Variants in PHAX observed in about 807,000 individuals in gnomAD.
PHAX encodes phosphorylated adapter RNA export protein.
PHAX carries 31 observed loss-of-function variants against 41.6 expected under a neutral mutation model. The observed-to-expected ratio is 0.75, with a 90% confidence interval of 0.56 to 1.01. The LOEUF (loss-of-function observed/expected upper bound fraction) is 1.01, where lower values mean the gene tolerates loss of function less well. PHAX is among the 50% of genes least tolerant of loss of function. The probability of loss-of-function intolerance (pLI) is 0.00; values close to 1 mark genes in which losing one functional copy is unlikely to be tolerated. For missense variants in PHAX, 453 were observed against 472.9 expected (o/e 0.96, Z 0.39); for synonymous variants, 175 against 164.9 (o/e 1.06, Z -0.47).
At chr5:126,624,008 GTT>G (rs543154844) in intron 4 of PHAX, among the ~76,000 whole-genome samples, 9 of 130,178 alleles carry the variant, frequency 6.9e-5, no homozygotes, top group Admixed American at 2.4e-4. Context: ...TTGGTTTTGG[GTT>G]TTTTTTTTTT....
At chr5:126,604,274 C>CTTGTTTTTT (rs1751955373) in intron 2 of PHAX, 91 bp downstream of exon 2, 1 of 564,068 alleles carries the variant, frequency 1.8e-6, no homozygotes. Context: ...TGATATGTTC[C>CTTGTTTTTT]TTTTTTTTTT....
At chr5:126,601,554 CTG>C (rs1751903811) in intron 1 of PHAX, among the ~76,000 whole-genome samples, 1 of 152,204 alleles carries the variant, frequency 6.6e-6, no homozygotes, top group African/African-American at 2.4e-5. Flanking sequence ...CGAAGGGAGA[CTG>C]AGGCCCAGGA....
At chr5:126,623,598 ACTTTTCTTATTTCT>A (rs1166936661) in intron 4 of PHAX, among the ~76,000 whole-genome samples, 1 of 151,954 alleles carries the variant, frequency 6.6e-6, no homozygotes, top group African/African-American at 2.4e-5. Flanking sequence ...TTTAGCAAAT[ACTTTTCTTATTTCT>A]CTTCATCAAA....
intron 2 of PHAX, 38 bp from the exon 3 acceptor site, chr5:126,608,326 A>G: frequency 6.3e-7 from 1 of 1,593,872 alleles, no homozygotes; most frequent in Non-Finnish European, 8.6e-7. Context: ...AACTTTGTAC[A>G]ACAAACAAAG....
chr5:126,616,968 C>T (rs745856208), intron 3 of PHAX, among the ~76,000 whole-genome samples: 4 of 151,516 alleles, frequency 2.6e-5, no homozygotes, highest in Non-Finnish European at 5.9e-5. Flanking sequence ...GTCATTTGAG[C>T]TGAGTGGCCT....
chr5:126,604,193 T>G lies in PHAX; in HGVS notation c.710+10T>G. 6.6e-7 allele frequency: 1 copy of G among 1,518,572 alleles called. No individual in the cohort carries two copies. 94.1% of individuals were successfully genotyped at this position (1,518,572 alleles called of 1,614,324 possible). A position where few individuals can be genotyped will look rare whatever the true frequency, so the allele number is the denominator to read the frequency against. On this transcript the variant is annotated intron_variant, in intron 2 of 4. Transcript: ENST00000297540. ...ATGAAATTTCATTCAGGTGAGCATTTGAATTACAAATAAGTACTTGACCAG... is the reference window on the plus strand; with the variant it reads ...ATGAAATTTCATTCAGGTGAGCATTGGAATTACAAATAAGTACTTGACCAG...
chr5:126,613,146 C>T (rs552971048), intron 3 of PHAX, among the ~76,000 whole-genome samples: 63 of 152,140 alleles, frequency 4.1e-4, no homozygotes, highest in African/African-American at 1.3e-3. Context: ...GTCAGGCGTT[C>T]GAGACCAGCC....
In PHAX at chr5:126,624,694, A is replaced by T. The variant is rs771276140; in HGVS notation, c.1035A>T (p.Glu345Asp). ...KQAIKSLNFQEDDDTSRETFA... is the reference protein window; with the variant it reads ...KQAIKSLNFQDDDDTSRETFA... The stretch of plus-strand genomic sequence containing the variant: ...CTATTAAAAGTCTAAATTTTCAAGA[A>T]GATGATGATACATCACGAGAAACTT... Residue 345 changes from glutamate (E) to aspartate (D), a missense_variant, in exon 5 of 5, where the codon GAA (glutamate) becomes GAT (aspartate). Physicochemically the swap from Glu to Asp is conservative, Grantham distance 45. Coordinates refer to ENST00000297540, the MANE Select transcript of PHAX (RefSeq NM_032177.4). 1.3e-5 allele frequency: 21 copies of T among 1,614,094 alleles called. No homozygotes were observed. The highest frequency in any genetic ancestry group is 1.7e-5 in the Non-Finnish European group (20 of 1,180,036).
At chr5:126,610,262 C>A (rs1255054134) in intron 3 of PHAX, among the ~76,000 whole-genome samples, 1 of 152,146 alleles carries the variant, frequency 6.6e-6, no homozygotes, top group African/African-American at 2.4e-5. Context: ...CGAGCACTGG[C>A]GGTTATAGAA....
At position 126,615,565 on chromosome 5, in the gene PHAX, C is replaced by T. The variant is rs1400438211; in HGVS notation, c.832-1685C>T. ...GATTTTGCTGTTTAAAATGGCCCCT[C>T]CAAGGGTAGTGCTGTAGTGCCAACT... On this transcript the variant is annotated intron_variant, in intron 3 of 4. Transcript: ENST00000297540. 1.3e-5 allele frequency among the ~76,000 whole-genome samples: 2 copies of T among 148,184 alleles called. 1 individual carries two copies. The highest frequency in any genetic ancestry group is 5.0e-5 in the African/African-American group (2 of 39,784).
Position 126,616,604 on chromosome 5 carries a change from G to A in PHAX, c.832-646G>A, listed in dbSNP as rs190581130. Among the ~76,000 whole-genome samples, 264 of 152,164 alleles carry A rather than the reference G, an allele frequency of 1.7e-3. 1 individual carries two copies. Among genetic ancestry groups the A allele is most frequent in the African/African-American group, 5.9e-3 (245 of 41,494 alleles). On this transcript the variant is annotated intron_variant, in intron 3 of 4. Coordinates refer to ENST00000297540, the MANE Select transcript of PHAX (RefSeq NM_032177.4). The stretch of plus-strand genomic sequence containing the variant: ...ACATCTAATAGAATATTCATGGTGG[G>A]TGCGGTGGCTCACACCTGTAATCCT...
At chr5:126,605,832 G>C (rs977621779) in intron 2 of PHAX, among the ~76,000 whole-genome samples, 1 of 152,162 alleles carries the variant, frequency 6.6e-6, no homozygotes, top group East Asian at 1.9e-4. Flanking sequence ...GTTTTTGTTT[G>C]TTTAGTGTTT....
intron 4 of PHAX, among the ~76,000 whole-genome samples, chr5:126,617,574 G>C (rs144069016): frequency 0.06 from 9,077 of 152,174 alleles, 517 homozygotes; most frequent in African/African-American, 0.15. Context: ...CGCCTCCCGG[G>C]TTCAAGTGAT....
intron 3 of PHAX, among the ~76,000 whole-genome samples, chr5:126,613,743 G>T (rs1006714534): frequency 6.6e-6 from 1 of 151,534 alleles, no homozygotes; most frequent in Non-Finnish European, 1.5e-5. Flanking sequence ...GTAGGATCAT[G>T]GGTGGTTTTT....
intron 2 of PHAX, 21 bp downstream of exon 2, chr5:126,604,204 T>A (rs1751953281): frequency 6.6e-7 from 1 of 1,511,678 alleles, no homozygotes; most frequent in Admixed American, 2.3e-5. Flanking sequence ...GAATTACAAA[T>A]AAGTACTTGA....
chr5:126,621,231 C>T (rs751611288), intron 4 of PHAX, among the ~76,000 whole-genome samples: 2 of 151,970 alleles, frequency 1.3e-5, no homozygotes, highest in Non-Finnish European at 2.9e-5. Context: ...TGCTATCACT[C>T]AGGCAGGAGT....
At position 126,604,037 on chromosome 5, in the gene PHAX, G is replaced by C; in HGVS notation, c.564G>C (p.Lys188Asn). ...YMHGGKKMGS[K>N]EEENGQGHLK... ...ATGGTGGCAAAAAAATGGGATCAAA[G>C]GAAGAGGAAAATGGGCAAGGTCATC... The change falls in exon 2 of 5, where the codon AAG becomes AAC. Residue 188 changes from lysine (K) to asparagine (N), a missense_variant. Coordinates refer to ENST00000297540, the MANE Select transcript of PHAX (RefSeq NM_032177.4). 6.2e-7 allele frequency: 1 copy of C among 1,613,904 alleles called. No homozygotes were observed. Among genetic ancestry groups the C allele is most frequent in the Non-Finnish European group, 8.5e-7 (1 of 1,179,964 alleles).
Position 126,626,981 on chromosome 5 carries a change from TAA to T in PHAX, c.*2138_*2139del, listed in dbSNP as rs1160328112. ...TACTCATTTTTATTAATGAAGAAAATAAGGTAGTTTAGACATTCCAAGAGTTA... is the reference window on the plus strand; with the variant it reads ...TACTCATTTTTATTAATGAAGAAAATGGTAGTTTAGACATTCCAAGAGTTA... On this transcript the variant is annotated 3_prime_UTR_variant, in exon 5 of 5. Transcript: ENST00000297540. 1 of 152,098 alleles carries T rather than the reference TAA, an allele frequency of 6.6e-6. No individual in the cohort carries two copies. The highest frequency in any genetic ancestry group is 1.5e-5 in the Non-Finnish European group (1 of 68,012). 9.4% of individuals were successfully genotyped at this position (152,098 alleles called of 1,614,324 possible).
intron 1 of PHAX, among the ~76,000 whole-genome samples, chr5:126,601,724 T>TG (rs1751907289): frequency 6.6e-6 from 1 of 152,206 alleles, no homozygotes; most frequent in Admixed American, 6.5e-5. Flanking sequence ...TGGAGTGCAG[T>TG]GGCGCGATCT....
Sources: allele counts gnomAD v4.1 joint callset (sites outside exome capture counted in the v4.1 genomes callset), GRCh38; gene constraint gnomAD v4.1.1; transcripts MANE v1.5; gene names NCBI Gene and HGNC (gene_info 2026-07-23, HGNC 2026-07-21).